The following ATP10B variants were observed in gnomAD, a reference collection of about 807,000 sequenced individuals.
The protein encoded by ATP10B is phospholipid-transporting ATPase VB.
A neutral mutation model predicts 141.2 loss-of-function variants in ATP10B; 122 were observed. The ratio of observed to expected loss-of-function variants is 0.86; its 90% CI spans 0.75 to 1.00. The LOEUF is 1.00. Among genes scored for constraint, ATP10B ranks in the 50% least tolerant of loss-of-function variants. The pLI, the probability that ATP10B is intolerant of heterozygous loss-of-function variation, is 0.00. For synonymous variants in ATP10B, 685 were observed against 692.0 expected (o/e 0.99, Z 0.16); for missense variants, 1,876 against 1,825.3 (o/e 1.03, Z -0.51).
At chr5:160,686,980 C>T (rs1763795851) in intron 5 of ATP10B, 1 of 985,178 alleles carries the variant, frequency 1.0e-6, no homozygotes, top group Non-Finnish European at 1.2e-6. Flanking sequence ...CCACGTGCAT[C>T]TTGCTCTCTC....
In ATP10B at chr5:160,607,983, G is replaced by C. The variant is rs184705796; in HGVS notation, c.2839-897C>G. Among the ~76,000 whole-genome samples, 1,181 of 152,208 alleles carry C rather than the reference G, an allele frequency of 7.8e-3. 10 individuals are homozygous for C. Among genetic ancestry groups the C allele is most frequent in the Non-Finnish European group, 0.011 (777 of 68,014 alleles). ...TAGGGTACATGTGCACAACGTGCAGGTTTGTTACATATGTATACGTGTGCC... is the reference window on the plus strand; with the variant it reads ...TAGGGTACATGTGCACAACGTGCAGCTTTGTTACATATGTATACGTGTGCC... On this transcript the variant is annotated intron_variant, in intron 18 of 25. Transcript: ENST00000327245.
intron 2 of ATP10B, among the ~76,000 whole-genome samples, chr5:160,772,746 T>C (rs1387383889): frequency 1.3e-5 from 2 of 152,186 alleles, no homozygotes; most frequent in African/African-American, 2.4e-5. Flanking sequence ...CATTTCCTAC[T>C]GATCCATGGC....
At chr5:160,701,711 C>T (rs903534006) in intron 3 of ATP10B, among the ~76,000 whole-genome samples, 3 of 152,008 alleles carry the variant, frequency 2.0e-5, no homozygotes, top group Admixed American at 6.5e-5. Flanking sequence ...CACCTCTACC[C>T]AATGCCTTCT....
At chr5:160,640,353 G>C in intron 10 of ATP10B, 108 bp downstream of exon 10, 2 of 1,286,502 alleles carry the variant, frequency 1.6e-6, no homozygotes, top group Non-Finnish European at 2.1e-6. Context: ...AAAGTGGGCA[G>C]GGTAGGCTTT....
At chr5:160,652,927 T>TG (rs1760951317) in intron 7 of ATP10B, among the ~76,000 whole-genome samples, 2 of 82,034 alleles carry the variant, frequency 2.4e-5, no homozygotes, top group African/African-American at 5.6e-5. Context: ...ATATAATATA[T>TG]TATATATACA....
chr5:160,848,599 C>T (rs1753584584), intron 1 of ATP10B, among the ~76,000 whole-genome samples: 1 of 152,148 alleles, frequency 6.6e-6, no homozygotes, highest in Non-Finnish European at 1.5e-5. Flanking sequence ...AAAAGTTTAT[C>T]ACCATTTAAA....
chr5:160,805,482 G>T (rs1220621252), intron 1 of ATP10B, among the ~76,000 whole-genome samples: 1 of 152,186 alleles, frequency 6.6e-6, no homozygotes, highest in East Asian at 1.9e-4. Context: ...TTGAACCAGA[G>T]CTGCCCAGAA....
At chr5:160,871,548 G>A in the ATP10B span, among the ~76,000 whole-genome samples, 1 of 152,040 alleles carries the variant, frequency 6.6e-6, no homozygotes, top group Non-Finnish European at 1.5e-5. Context: ...AGTTCCCAAA[G>A]TCCATTGCAT....
chr5:160,817,997 T>C (rs1185816401), intron 1 of ATP10B, among the ~76,000 whole-genome samples: 1 of 152,118 alleles, frequency 6.6e-6, no homozygotes, highest in Non-Finnish European at 1.5e-5. Context: ...CAAAAATTAA[T>C]TCAAGATGGA....
chr5:160,840,312 T>C (rs76164106), intron 1 of ATP10B, among the ~76,000 whole-genome samples: 1 of 151,932 alleles, frequency 6.6e-6, no homozygotes, highest in Non-Finnish European at 1.5e-5. Context: ...GGAAGAGCTA[T>C]GAAGGGGGTA....
intron 1 of ATP10B, among the ~76,000 whole-genome samples, chr5:160,786,420 T>TC (rs957028965): frequency 6.6e-6 from 1 of 152,170 alleles, no homozygotes; most frequent in Non-Finnish European, 1.5e-5. Context: ...CATTGGGTTT[T>TC]CTGTTTTTCT....
chr5:160,662,179 A>G (rs1225904454), intron 7 of ATP10B, among the ~76,000 whole-genome samples: 3 of 152,168 alleles, frequency 2.0e-5, no homozygotes, highest in Non-Finnish European at 4.4e-5. Context: ...TTCCATGCTC[A>G]TGGGTAGGAA....
intron 13 of ATP10B, among the ~76,000 whole-genome samples, chr5:160,631,053 A>ATG (rs1242284444): frequency 3.9e-5 from 6 of 152,188 alleles, no homozygotes; most frequent in Non-Finnish European, 5.9e-5. Context: ...ATATGTGGTT[A>ATG]TGTGTGTGTG....
chr5:160,664,594 G>A (rs780952999), intron 7 of ATP10B, among the ~76,000 whole-genome samples: 2 of 152,196 alleles, frequency 1.3e-5, no homozygotes, highest in African/African-American at 2.4e-5. Context: ...TGAATCACCT[G>A]AGGATCCTGT....
chr5:160,680,724 A>G (rs994902198), intron 6 of ATP10B, among the ~76,000 whole-genome samples: 6 of 152,172 alleles, frequency 3.9e-5, no homozygotes, highest in African/African-American at 1.2e-4. Context: ...AGGGAAGCTG[A>G]CTTCATGCTG....
chr5:160,845,828 A>G (rs1161355969), intron 1 of ATP10B, among the ~76,000 whole-genome samples: 1 of 152,158 alleles, frequency 6.6e-6, no homozygotes, highest in Non-Finnish European at 1.5e-5. Context: ...TGATGACACC[A>G]AAGACTGTTA....
chr5:160,694,008 A>T (rs775375870), intron 3 of ATP10B, among the ~76,000 whole-genome samples: 25 of 152,296 alleles, frequency 1.6e-4, no homozygotes, highest in Non-Finnish European at 3.4e-4. Context: ...CCAGGGTCAG[A>T]TGGCCTGCTG....
the ATP10B span, among the ~76,000 whole-genome samples, chr5:160,923,580 TCA>T: frequency 7.2e-5 from 11 of 152,332 alleles, no homozygotes; most frequent in South Asian, 2.1e-4. Context: ...TTATTCGTGA[TCA>T]CACAGACATT....
chr5:160,794,567 C>T (rs1215593736), intron 1 of ATP10B, among the ~76,000 whole-genome samples: 2 of 152,170 alleles, frequency 1.3e-5, no homozygotes, highest in East Asian at 3.9e-4. Context: ...CTGGAGTAAA[C>T]TGTGGTGGTA....
Sources: gnomAD v4.1 joint callset for allele counts (sites outside exome capture counted in the v4.1 genomes callset) on GRCh38, gnomAD v4.1.1 for gene constraint, MANE v1.5 for transcripts, NCBI Gene and HGNC (gene_info 2026-07-23, HGNC 2026-07-21) for gene names.